The following OSBPL3 variants were observed in gnomAD, a reference collection of about 807,000 sequenced individuals.
The protein encoded by OSBPL3 is oxysterol binding protein like 3.
In OSBPL3, 65 loss-of-function variants were observed where a neutral mutation model predicts 120.1. The observed-to-expected ratio is 0.54, with a 90% CI of 0.44 to 0.67. The LOEUF (loss-of-function observed/expected upper bound fraction) is 0.67. OSBPL3 is among the 30% of genes least tolerant of loss of function. The pLI, the probability that OSBPL3 is intolerant of heterozygous loss-of-function variation, is 0.00. For missense variants in OSBPL3, 1,004 were observed against 1,082.1 expected, an observed-to-expected ratio of 0.93 and a Z score of 1.01; for synonymous variants, 416 against 402.6, an observed-to-expected ratio of 1.03 and a Z score of -0.40.
chr7:24,951,102 A>T (rs912803647), intron 1 of OSBPL3, among the ~76,000 whole-genome samples: 1 of 152,204 alleles, frequency 6.6e-6, no homozygotes, highest in African/African-American at 2.4e-5. Context: ...AAAAGAAAGA[A>T]TCTCCCAAAT....
At chr7:24,876,950 C>T (rs1802937750) in intron 2 of OSBPL3, among the ~76,000 whole-genome samples, 1 of 152,090 alleles carries the variant, frequency 6.6e-6, no homozygotes, top group African/African-American at 2.4e-5. Flanking sequence ...GTGCTAAATA[C>T]CATACTTACA....
chr7:24,963,546 C>G (rs1356743522), intron 1 of OSBPL3, among the ~76,000 whole-genome samples: 1 of 152,126 alleles, frequency 6.6e-6, no homozygotes, highest in African/African-American at 2.4e-5. Flanking sequence ...TGGCTGAGTG[C>G]GCATCTGACT....
At position 24,871,724 on chromosome 7, in the gene OSBPL3, G is replaced by A; in HGVS notation, c.267+18C>T. 6.3e-7 allele frequency: 1 copy of A among 1,596,546 alleles called. No homozygotes were observed. Among genetic ancestry groups the A allele is most frequent in the South Asian group, 1.1e-5 (1 of 90,556 alleles). On this transcript the variant is annotated intron_variant, in intron 4 of 22. Coordinates refer to ENST00000313367, the MANE Select transcript of OSBPL3 (RefSeq NM_015550.4). This position sits in a 1 kb window ranked among gnomAD's most constrained non-coding sequence, Gnocchi z 4.8. ...TTAGGATTCTTCAATACCACAGTGG[G>A]CCCACAAAAAGACTTACATCGGTTT...
rs1233946366 is a variant in OSBPL3, at chr7:24,922,431, G to C, written c.-149-29810C>G. Among the ~76,000 whole-genome samples, 2 of 152,074 alleles carry C rather than the reference G, an allele frequency of 1.3e-5. No individual in the cohort carries two copies. The highest frequency in any genetic ancestry group is 2.1e-4 in the South Asian group (1 of 4,820). ...GGGGAATTGTATGGCTGAGTGACCA[G>C]CGTGGGAGGGAAATTAAGTTTTCGG... On this transcript the variant is annotated intron_variant, in intron 1 of 22. Coordinates refer to ENST00000313367, the MANE Select transcript of OSBPL3 (RefSeq NM_015550.4). The surrounding 1 kb of genome is among the most constrained non-coding windows in gnomAD (Gnocchi z 4.3).
chr7:24,890,879 C>G (rs947255118), intron 2 of OSBPL3, among the ~76,000 whole-genome samples: 2 of 152,156 alleles, frequency 1.3e-5, no homozygotes, highest in Non-Finnish European at 2.9e-5. Context: ...CAAATCAATT[C>G]CAAATAACAC....
chr7:24,951,662 A>T (rs1034190304), intron 1 of OSBPL3, among the ~76,000 whole-genome samples: 24 of 152,340 alleles, frequency 1.6e-4, no homozygotes, highest in African/African-American at 5.8e-4. Flanking sequence ...TAAAGACGTA[A>T]GCTTTGAGCT....
At chr7:24,832,538 G>GA (rs1796527142) in intron 15 of OSBPL3, among the ~76,000 whole-genome samples, 4 of 141,628 alleles carry the variant, frequency 2.8e-5, no homozygotes, top group African/African-American at 1.0e-4. Flanking sequence ...AAAAGAAGAA[G>GA]AAAAAATCAA....
chr7:24,958,560 C>T (rs1815347440), intron 1 of OSBPL3, among the ~76,000 whole-genome samples: 1 of 152,144 alleles, frequency 6.6e-6, no homozygotes. Context: ...TGTTCCTGTA[C>T]TCCTCTCATA....
At position 24,855,496 on chromosome 7, in the gene OSBPL3, T is replaced by C. The variant is rs993771830; in HGVS notation, c.1028-2862A>G. 6.6e-6 allele frequency among the ~76,000 whole-genome samples: 1 copy of C among 152,210 alleles called. No homozygotes were observed. The highest frequency in any genetic ancestry group is 2.4e-5 in the African/African-American group (1 of 41,448). On this transcript the variant is annotated intron_variant, in intron 10 of 22. Coordinates refer to ENST00000313367, the MANE Select transcript of OSBPL3 (RefSeq NM_015550.4). The surrounding 1 kb of genome is among the most constrained non-coding windows in gnomAD (Gnocchi z 4.3). ...AAACTCATATAGTCATTATATTTTA[T>C]TGTAAGGAATAAAACGCTTCCTAAA...
intron 1 of OSBPL3, among the ~76,000 whole-genome samples, chr7:24,962,863 C>A (rs543086554): frequency 6.6e-6 from 1 of 152,266 alleles, no homozygotes; most frequent in South Asian, 2.1e-4. Flanking sequence ...CAAACAAATG[C>A]CCTAATACAG....
At chr7:24,801,644 G>A (rs1024027469) in intron 22 of OSBPL3, among the ~76,000 whole-genome samples, 3 of 152,206 alleles carry the variant, frequency 2.0e-5, no homozygotes, top group South Asian at 2.1e-4. Flanking sequence ...AGCCTTCTGC[G>A]TATCTCTGAA....
At position 24,834,773 on chromosome 7, in the gene OSBPL3, T is replaced by C. The variant is rs1448458052; in HGVS notation, c.1496-37A>G. 1.3e-6 allele frequency: 2 copies of C among 1,498,252 alleles called. No homozygotes were observed. The highest frequency in any genetic ancestry group is 2.3e-5 in the Admixed American group (1 of 43,762). 92.8% of individuals were successfully genotyped at this position (1,498,252 alleles called of 1,614,324 possible). A position where few individuals can be genotyped will look rare whatever the true frequency, so the allele number is the denominator to read the frequency against. ...AGAGGCCTGGTTGTCTCTATAAAGC[T>C]TTTCATTTTATTCTATTATTTTTAA... On this transcript the variant is annotated intron_variant, in intron 14 of 22. Transcript: ENST00000313367. The surrounding 1 kb of genome is among the most constrained non-coding windows in gnomAD (Gnocchi z 5.2).
At chr7:24,903,975 C>A in intron 1 of OSBPL3, among the ~76,000 whole-genome samples, 1 of 149,952 alleles carries the variant, frequency 6.7e-6, no homozygotes, top group African/African-American at 2.5e-5. Flanking sequence ...CTCTGCCTCC[C>A]AGGTTCAAGC....
At chr7:24,828,606 G>GAAGAAAAAAAAAAAAA (rs1554349905) in intron 16 of OSBPL3, among the ~76,000 whole-genome samples, 1 of 32,522 alleles carries the variant, frequency 3.1e-5, no homozygotes. Flanking sequence ...GACTCTGTCT[G>GAAGAAAAAAAAAAAAA]AAAAAAAAAA....
In OSBPL3 at chr7:24,797,230, G is replaced by A. The variant is rs1235187515; in HGVS notation, c.*2953C>T. 3 of 152,208 alleles carry A rather than the reference G, an allele frequency of 2.0e-5. No individual in the cohort carries two copies. The highest frequency in any genetic ancestry group is 6.5e-5 in the Admixed American group (1 of 15,284). The allele number at this position is 152,208 out of a possible 1,614,324, so 9.4% of individuals were successfully genotyped here. A position where few individuals can be genotyped will look rare whatever the true frequency, so the allele number is the denominator to read the frequency against. On this transcript the variant is annotated 3_prime_UTR_variant, in exon 23 of 23. Coordinates refer to ENST00000313367, the MANE Select transcript of OSBPL3 (RefSeq NM_015550.4). This position sits in a 1 kb window ranked among gnomAD's most constrained non-coding sequence, Gnocchi z 4.8. ...ATGCAGATGGAAGACAGTGCTTGAAGCCCAAACAAATGATTTACTACAAGT... is the reference window on the plus strand; with the variant it reads ...ATGCAGATGGAAGACAGTGCTTGAAACCCAAACAAATGATTTACTACAAGT...
chr7:24,941,626 C>G (rs531605141), intron 1 of OSBPL3, among the ~76,000 whole-genome samples: 1 of 152,228 alleles, frequency 6.6e-6, no homozygotes, highest in East Asian at 1.9e-4. Flanking sequence ...ACCTGCATCC[C>G]GTAAGATAGG....
At position 24,980,063 on chromosome 7, in the gene OSBPL3, C is replaced by T; in HGVS notation, c.-327G>A. 1.0e-6 allele frequency: 1 copy of T among 985,110 alleles called. No homozygotes were observed. 61.0% of individuals were successfully genotyped at this position (985,110 alleles called of 1,614,324 possible). A position where few individuals can be genotyped will look rare whatever the true frequency, so the allele number is the denominator to read the frequency against. Reference sequence around the variant, plus strand: ...GGGATGGCCACTTGCAGACAGACTGCGGGGCCGGAGCCGCGCTGCGCACCG... The same window carrying T: ...GGGATGGCCACTTGCAGACAGACTGTGGGGCCGGAGCCGCGCTGCGCACCG... On this transcript the variant is annotated 5_prime_UTR_variant, in exon 1 of 23. Transcript: ENST00000313367.
chr7:24,821,811 T>C lies in OSBPL3; in HGVS notation c.1885-1573A>G, dbSNP rs1341272487. On this transcript the variant is annotated intron_variant, in intron 16 of 22. Coordinates refer to ENST00000313367, the MANE Select transcript of OSBPL3 (RefSeq NM_015550.4). The surrounding 1 kb of genome is among the most constrained non-coding windows in gnomAD (Gnocchi z 5.5). ...CCTGTGGGATTTTCAAGGGCAACTTTCACTTCAAGCACTGACTTAGAAACC... is the reference window on the plus strand; with the variant it reads ...CCTGTGGGATTTTCAAGGGCAACTTCCACTTCAAGCACTGACTTAGAAACC... Among the ~76,000 whole-genome samples, 4 of 152,196 alleles carry C rather than the reference T, an allele frequency of 2.6e-5. No homozygotes were observed. Among genetic ancestry groups the C allele is most frequent in the African/African-American group, 9.7e-5 (4 of 41,448 alleles).
intron 20 of OSBPL3, 112 bp from the exon 21 acceptor site, chr7:24,807,014 T>C (rs1322031244): frequency 2.3e-6 from 2 of 851,420 alleles, no homozygotes; most frequent in Non-Finnish European, 3.6e-6. Context: ...CTCAGCTCCC[T>C]TCCATTTCTG....
Sources: gnomAD v4.1 joint callset for allele counts (sites outside exome capture counted in the v4.1 genomes callset) on GRCh38, gnomAD v4.1.1 for gene constraint, Gnocchi (gnomAD v3.1) non-coding constraint, MANE v1.5 for transcripts, NCBI Gene and HGNC (gene_info 2026-07-23, HGNC 2026-07-21) for gene names.